The following RBFOX1 variants were observed in gnomAD, a reference collection of about 807,000 sequenced individuals.
RBFOX1 encodes RNA binding fox-1 homolog 1.
In RBFOX1, 8 loss-of-function variants were observed where a neutral mutation model predicts 57.7. The ratio of observed to expected loss-of-function variants is 0.14; its 90% confidence interval spans 0.08 to 0.25. RBFOX1 has a LOEUF of 0.25. RBFOX1 is among the 10% of genes least tolerant of loss of function. The pLI, the probability that RBFOX1 is intolerant of heterozygous loss-of-function variation, is 1.00. For missense variants in RBFOX1, 611 were observed against 548.5 expected (o/e 1.11, Z -1.14); for synonymous variants, 326 against 222.4 (o/e 1.47, Z -4.15).
chr16:6,267,662 A>G (rs1482265794), intron 1 of RBFOX1, among the ~76,000 whole-genome samples: 1 of 151,434 alleles, frequency 6.6e-6, no homozygotes, highest in East Asian at 1.9e-4. Flanking sequence ...TGCAGATACT[A>G]GGAGAGATCT....
chr16:6,479,864 A>G (rs2095343982), intron 2 of RBFOX1, among the ~76,000 whole-genome samples: 1 of 152,054 alleles, frequency 6.6e-6, no homozygotes, highest in Non-Finnish European at 1.5e-5. Context: ...AGCCTGACCA[A>G]CATGGTGAAA....
intron 3 of RBFOX1, among the ~76,000 whole-genome samples, chr16:5,840,991 G>A (rs953125223): frequency 1.3e-5 from 2 of 152,110 alleles, no homozygotes; most frequent in Admixed American, 1.3e-4. Context: ...CCTACAACAG[G>A]GGAATCAGAA....
Position 6,741,195 on chromosome 16 carries a change from C to T in RBFOX1, c.-16+86545C>T, listed in dbSNP as rs575276778. 6.6e-4 allele frequency among the ~76,000 whole-genome samples: 101 copies of T among 152,248 alleles called. 1 individual carries two copies. The highest frequency in any genetic ancestry group is 3.4e-3 in the Middle Eastern group (1 of 294). The stretch of plus-strand genomic sequence containing the variant: ...AAAATAATAATAATAAATAATAAAT[C>T]TTGACCTAAACTTCACATCTCATAA... On this transcript the variant is annotated intron_variant, in intron 3 of 15. Coordinates refer to ENST00000550418, the MANE Select transcript of RBFOX1 (RefSeq NM_018723.4).
At chr16:5,767,394 G>A (rs543873633) in intron 3 of RBFOX1, among the ~76,000 whole-genome samples, 8 of 152,304 alleles carry the variant, frequency 5.3e-5, no homozygotes, top group East Asian at 1.9e-4. Context: ...GAGAAACCAC[G>A]CTATGGGAGT....
chr16:7,286,495 G>T (rs541369320), intron 4 of RBFOX1, among the ~76,000 whole-genome samples: 1 of 147,324 alleles, frequency 6.8e-6, no homozygotes, highest in African/African-American at 2.5e-5. Flanking sequence ...TGTCACCTAG[G>T]CTGGAGTACA....
intron 3 of RBFOX1, among the ~76,000 whole-genome samples, chr16:5,833,580 A>T (rs1050691303): frequency 4.6e-5 from 7 of 152,062 alleles, no homozygotes; most frequent in Non-Finnish European, 1.0e-4. Flanking sequence ...TCAATTATAA[A>T]GGTAACTTAG....
At chr16:6,061,595 A>G (rs1330216423) in intron 1 of RBFOX1, among the ~76,000 whole-genome samples, 1 of 151,800 alleles carries the variant, frequency 6.6e-6, no homozygotes, top group African/African-American at 2.4e-5. Context: ...TATATTTACT[A>G]TAATAAAATT....
intron 4 of RBFOX1, among the ~76,000 whole-genome samples, chr16:7,458,346 T>A (rs1003912556): frequency 1.3e-5 from 2 of 152,196 alleles, no homozygotes; most frequent in Non-Finnish European, 2.9e-5. Context: ...CAGTCCACTT[T>A]GTGCCCAGAT....
intron 2 of RBFOX1, among the ~76,000 whole-genome samples, chr16:5,517,086 T>C (rs959151098): frequency 4.0e-5 from 6 of 151,740 alleles, no homozygotes; most frequent in African/African-American, 1.5e-4. Context: ...TTAGAAGACC[T>C]CCAGTGGTTG....
At chr16:6,603,488 G>C (rs1415205303) in intron 2 of RBFOX1, among the ~76,000 whole-genome samples, 2 of 152,172 alleles carry the variant, frequency 1.3e-5, no homozygotes, top group African/African-American at 4.8e-5. Flanking sequence ...CTTTAGATCA[G>C]AGCCCTCAAA....
At chr16:7,208,082 C>G (rs543044628) in intron 4 of RBFOX1, among the ~76,000 whole-genome samples, 2 of 152,272 alleles carry the variant, frequency 1.3e-5, no homozygotes, top group East Asian at 1.9e-4. Context: ...AACAGGGAAG[C>G]AAGAGCAACT....
At chr16:7,310,685 A>G (rs771371716) in intron 4 of RBFOX1, among the ~76,000 whole-genome samples, 2 of 152,234 alleles carry the variant, frequency 1.3e-5, no homozygotes, top group Non-Finnish European at 1.5e-5. Context: ...TATTAAACAT[A>G]GACTTGCCCA....
intron 3 of RBFOX1, among the ~76,000 whole-genome samples, chr16:6,818,762 A>T (rs978796782): frequency 6.6e-6 from 1 of 151,994 alleles, no homozygotes; most frequent in Non-Finnish European, 1.5e-5. Flanking sequence ...CACAAGGGGG[A>T]GTGTGATCGA....
chr16:5,562,480 C>T lies in RBFOX1; in HGVS notation c.259-36422C>T, dbSNP rs116071225. Among the ~76,000 whole-genome samples, 552 of 150,212 alleles carry T rather than the reference C, an allele frequency of 3.7e-3. 4 individuals carry two copies. Among genetic ancestry groups the T allele is most frequent in the African/African-American group, 0.013 (532 of 41,048 alleles). ...GATACCCAGGATGTATAGAGCAATT[C>T]TCCAGGGCCAGGAGGAGAAGAAGGG... is the stretch of plus-strand genomic sequence containing the variant. On this transcript the variant is annotated intron_variant, in intron 2 of 2. Transcript: ENST00000585867.
chr16:6,268,744 A>T (rs1200185763), intron 1 of RBFOX1, among the ~76,000 whole-genome samples: 1 of 152,222 alleles, frequency 6.6e-6, no homozygotes. Context: ...CACACAACAC[A>T]CAAACATGCA....
At chr16:7,384,127 C>T (rs2097837566) in intron 4 of RBFOX1, among the ~76,000 whole-genome samples, 1 of 150,712 alleles carries the variant, frequency 6.6e-6, no homozygotes, top group Non-Finnish European at 1.5e-5. Flanking sequence ...TACATATGTT[C>T]TTCTTATATT....
At chr16:6,156,358 A>C (rs2096838471) in intron 1 of RBFOX1, among the ~76,000 whole-genome samples, 1 of 152,200 alleles carries the variant, frequency 6.6e-6, no homozygotes, top group African/African-American at 2.4e-5. Flanking sequence ...AGCCCCACCC[A>C]GTGAATCATG....
intron 2 of RBFOX1, among the ~76,000 whole-genome samples, chr16:6,322,012 T>C (rs1485996498): frequency 6.6e-6 from 1 of 152,210 alleles, no homozygotes; most frequent in African/African-American, 2.4e-5. Context: ...CATTGACCCA[T>C]GGGCACCACT....
intron 2 of RBFOX1, among the ~76,000 whole-genome samples, chr16:6,401,413 G>A (rs907255859): frequency 6.6e-6 from 1 of 152,174 alleles, no homozygotes; most frequent in East Asian, 1.9e-4. Flanking sequence ...ACTCACACCT[G>A]TGAAAATGAG....
Sources: gnomAD v4.1 joint callset for allele counts (sites outside exome capture counted in the v4.1 genomes callset) on GRCh38, gnomAD v4.1.1 for gene constraint, MANE v1.5 for transcripts, NCBI Gene and HGNC (gene_info 2026-07-23, HGNC 2026-07-21) for gene names.